Variants in SGCD observed in about 807,000 individuals in gnomAD.
The protein encoded by SGCD is sarcoglycan delta, also known as delta-sarcoglycan.
SGCD carries 18 observed loss-of-function variants against 36.6 expected under a neutral mutation model. That is an observed-to-expected ratio of 0.49 (90% CI 0.34 to 0.73). The LOEUF (loss-of-function observed/expected upper bound fraction) is 0.73, where lower values mean the gene tolerates loss of function less well. Among genes scored for constraint, SGCD ranks in the 30% least tolerant of loss-of-function variants. The pLI is 0.01. For synonymous variants in SGCD, 133 were observed against 130.6 expected (o/e 1.02, Z -0.12); for missense variants, 387 against 346.7 (o/e 1.12, Z -0.92).
At chr5:155,961,960 A>G (rs1203644341) in intron 1 of SGCD, among the ~76,000 whole-genome samples, 1 of 152,108 alleles carries the variant, frequency 6.6e-6, no homozygotes, top group Non-Finnish European at 1.5e-5. Context: ...CGGTCTGAAG[A>G]CTTTCTAATT....
chr5:156,118,106 T>G (rs1430983779), intron 2 of SGCD, among the ~76,000 whole-genome samples: 1 of 152,104 alleles, frequency 6.6e-6, no homozygotes, highest in Admixed American at 6.6e-5. Context: ...TCCTTCACAC[T>G]AGCAAGTAAG....
At chr5:156,508,538 C>T in intron 3 of SGCD, 63 bp from the exon 4 acceptor site, 1 of 955,460 alleles carries the variant, frequency 1.0e-6, no homozygotes, top group South Asian at 1.4e-5. Flanking sequence ...TTTTTTACAG[C>T]CTGAGGTGTT....
At chr5:156,420,786 T>G (rs1051754237) in intron 3 of SGCD, among the ~76,000 whole-genome samples, 12 of 152,146 alleles carry the variant, frequency 7.9e-5, no homozygotes, top group African/African-American at 2.9e-4. Flanking sequence ...TGCTTTCCAC[T>G]GTAAGAATTA....
intron 3 of SGCD, among the ~76,000 whole-genome samples, chr5:156,199,797 T>C (rs1474866773): frequency 6.6e-6 from 1 of 152,132 alleles, no homozygotes; most frequent in Non-Finnish European, 1.5e-5. Flanking sequence ...TGGTGCTTTA[T>C]TGCTGAATAA....
intron 7 of SGCD, 137 bp from the exon 8 acceptor site, chr5:156,757,444 A>C (rs556027197): frequency 3.0e-4 from 179 of 587,192 alleles, no homozygotes; most frequent in Non-Finnish European, 4.4e-4. Context: ...AAACTTGACC[A>C]GGTTGTAAAG....
At chr5:156,426,611 T>A (rs1773682292) in intron 3 of SGCD, among the ~76,000 whole-genome samples, 11 of 152,042 alleles carry the variant, frequency 7.2e-5, no homozygotes, top group Admixed American at 6.6e-4. Context: ...ATTTCTTTGG[T>A]GTTCTTAGTC....
chr5:155,747,078 C>T, the SGCD span, among the ~76,000 whole-genome samples: 7 of 152,142 alleles, frequency 4.6e-5, no homozygotes, highest in African/African-American at 1.4e-4. Flanking sequence ...GGCCACCTGC[C>T]TACTCTAACA....
intron 6 of SGCD, among the ~76,000 whole-genome samples, chr5:156,606,896 T>G (rs1034765418): frequency 2.0e-5 from 3 of 152,226 alleles, no homozygotes; most frequent in African/African-American, 7.2e-5. Flanking sequence ...CACATTGACT[T>G]TGTATCCTGA....
chr5:156,005,868 T>C (rs1409801830), intron 1 of SGCD, among the ~76,000 whole-genome samples: 1 of 152,208 alleles, frequency 6.6e-6, no homozygotes, highest in African/African-American at 2.4e-5. Flanking sequence ...CCTCTGATAT[T>C]TTCTGGGCTA....
chr5:155,769,217 ACT>A, the SGCD span, among the ~76,000 whole-genome samples: 2 of 151,990 alleles, frequency 1.3e-5, no homozygotes, highest in Admixed American at 1.3e-4. Flanking sequence ...GAGTTAATAC[ACT>A]CTATGCATAC....
chr5:156,175,255 T>C (rs1434467494), intron 3 of SGCD, among the ~76,000 whole-genome samples: 1 of 152,174 alleles, frequency 6.6e-6, no homozygotes, highest in Non-Finnish European at 1.5e-5. Context: ...ATTTTCCTAA[T>C]ACATAAGTAC....
intron 6 of SGCD, among the ~76,000 whole-genome samples, chr5:156,632,197 C>A (rs552755595): frequency 6.6e-6 from 1 of 152,104 alleles, no homozygotes; most frequent in East Asian, 1.9e-4. Flanking sequence ...CTGATTAACC[C>A]TGCTTGGGTC....
At chr5:156,353,981 T>C (rs1475446798) in intron 3 of SGCD, among the ~76,000 whole-genome samples, 1 of 152,170 alleles carries the variant, frequency 6.6e-6, no homozygotes, top group Non-Finnish European at 1.5e-5. Flanking sequence ...ATACAATCTA[T>C]TGGGCATATC....
chr5:156,173,461 A>G (rs1763389603), intron 3 of SGCD, among the ~76,000 whole-genome samples: 2 of 152,316 alleles, frequency 1.3e-5, no homozygotes, highest in African/African-American at 2.4e-5. Context: ...AAGTAAATAA[A>G]CAGCTATTCA....
At chr5:156,074,555 C>A (rs182770352) in intron 1 of SGCD, among the ~76,000 whole-genome samples, 1 of 152,068 alleles carries the variant, frequency 6.6e-6, no homozygotes, top group African/African-American at 2.4e-5. Context: ...GGTGGCATGC[C>A]TGTAGTCCGA....
intron 1 of SGCD, among the ~76,000 whole-genome samples, chr5:155,969,958 C>T (rs1057409199): frequency 6.6e-5 from 10 of 151,490 alleles, no homozygotes; most frequent in Non-Finnish European, 1.0e-4. Context: ...AGTGATTTTT[C>T]GTTTTGAAAA....
intron 1 of SGCD, among the ~76,000 whole-genome samples, chr5:155,922,353 G>A (rs1756895638): frequency 6.6e-6 from 1 of 152,058 alleles, no homozygotes; most frequent in East Asian, 1.9e-4. Flanking sequence ...AACGTGGCAG[G>A]GATGTGCCTG....
At chr5:156,244,002 T>A (rs1244033721) in intron 3 of SGCD, among the ~76,000 whole-genome samples, 1 of 152,148 alleles carries the variant, frequency 6.6e-6, no homozygotes, top group East Asian at 1.9e-4. Context: ...TACTTACTGG[T>A]TTTAAAGAGT....
At chr5:156,040,071 C>T (rs1759597147) in intron 1 of SGCD, among the ~76,000 whole-genome samples, 5 of 152,166 alleles carry the variant, frequency 3.3e-5, no homozygotes, top group Admixed American at 3.3e-4. Flanking sequence ...TGTCATCCAG[C>T]TTCTGACATA....
Sources: allele counts gnomAD v4.1 joint callset (sites outside exome capture counted in the v4.1 genomes callset), GRCh38; gene constraint gnomAD v4.1.1; transcripts MANE v1.5; gene names NCBI Gene and HGNC (gene_info 2026-07-23, HGNC 2026-07-21).